The following WRN variants were observed in gnomAD, a reference collection of about 807,000 sequenced individuals.
WRN encodes WRN RecQ like helicase, also known as bifunctional 3'-5' exonuclease/ATP-dependent helicase WRN.
WRN carries 149 observed loss-of-function variants against 180.7 expected under a neutral mutation model. The ratio of observed to expected loss-of-function variants is 0.82; its 90% confidence interval spans 0.72 to 0.94. WRN has a LOEUF of 0.94. WRN is among the 40% of genes least tolerant of loss of function. WRN has a pLI of 0.00. For missense variants in WRN, 1,661 were observed against 1,700.1 expected (o/e 0.98, Z 0.40); for synonymous variants, 548 against 568.9 (o/e 0.96, Z 0.52).
At chr8:31,098,414 C>G (rs1325774539) in intron 17 of WRN, among the ~76,000 whole-genome samples, 3 of 152,036 alleles carry the variant, frequency 2.0e-5, no homozygotes, top group Non-Finnish European at 4.4e-5. Context: ...ATACTTCTGA[C>G]AAGTAGTTAG....
chr8:31,147,111 C>T lies in WRN; in HGVS notation c.3442C>T (p.Gln1148Ter). 6.2e-7 allele frequency: 1 copy of T among 1,613,852 alleles called. No individual in the cohort carries two copies. The highest frequency in any genetic ancestry group is 8.5e-7 in the Non-Finnish European group (1 of 1,179,852). ...YSSSQPVISA[Q>*]EQETQIVLYG... ...TTCCTCACAGCCTGTTATTTCGGCA[C>T]AAGAGCAGGAGACTCAGGTAAGGCT... is the stretch of plus-strand genomic sequence containing the variant. Residue 1148 changes from glutamine to a stop codon, truncating the protein, a stop_gained, in exon 29 of 35, where the codon CAA (glutamine) becomes TAA (stop). Coordinates refer to ENST00000298139, the MANE Select transcript of WRN (RefSeq NM_000553.6). LOFTEE classifies it high-confidence loss of function.
chr8:31,151,922 G>C (rs1401083691), intron 31 of WRN, among the ~76,000 whole-genome samples: 1 of 151,196 alleles, frequency 6.6e-6, no homozygotes, highest in Non-Finnish European at 1.5e-5. Context: ...AAATTTTGAA[G>C]TAAAATTTCT....
intron 34 of WRN, among the ~76,000 whole-genome samples, chr8:31,172,416 T>A (rs2130528306): frequency 6.6e-6 from 1 of 152,336 alleles, no homozygotes; most frequent in East Asian, 1.9e-4. Context: ...GTTTCTCTTT[T>A]TTTCTGGGAA....
At chr8:31,126,319 A>T (rs1169013895) in intron 23 of WRN, among the ~76,000 whole-genome samples, 3 of 152,232 alleles carry the variant, frequency 2.0e-5, no homozygotes, top group Non-Finnish European at 4.4e-5. Flanking sequence ...ATGGAATTAA[A>T]CTAGAAAACA....
At chr8:31,053,203 A>T (rs1767960088) in intron 1 of WRN, among the ~76,000 whole-genome samples, 1 of 152,236 alleles carries the variant, frequency 6.6e-6, no homozygotes, top group African/African-American at 2.4e-5. Context: ...ATTCAAAGAG[A>T]TAAATGAATA....
intron 1 of WRN, among the ~76,000 whole-genome samples, chr8:31,047,419 C>T (rs990556484): frequency 2.6e-5 from 4 of 152,168 alleles, no homozygotes; most frequent in Admixed American, 6.5e-5. Context: ...CGTACCACTA[C>T]ATCCAGCCAG....
intron 3 of WRN, among the ~76,000 whole-genome samples, chr8:31,061,818 T>G (rs906023814): frequency 2.0e-5 from 3 of 152,210 alleles, no homozygotes; most frequent in African/African-American, 7.2e-5. Context: ...TACCTTTGTG[T>G]AAGTCCGTCC....
chr8:31,117,440 T>TG (rs1269982674), intron 20 of WRN, among the ~76,000 whole-genome samples: 1 of 152,184 alleles, frequency 6.6e-6, no homozygotes, highest in East Asian at 1.9e-4. Flanking sequence ...AGGGTATCGA[T>TG]GCAGCTATTG....
intron 18 of WRN, among the ~76,000 whole-genome samples, chr8:31,104,944 TA>T (rs1436520748): frequency 6.6e-6 from 1 of 152,218 alleles, no homozygotes; most frequent in East Asian, 1.9e-4. Flanking sequence ...ATTTTGTGAG[TA>T]AACTGTGTTA....
rs552649489 is a variant in WRN, at chr8:31,074,083, A to AT, written c.725-2075dup. On this transcript the variant is annotated intron_variant, in intron 7 of 34. Transcript: ENST00000298139. Reference sequence around the variant, plus strand: ...GGGTGCCCGCCACCATGCCCGGCTAATTTTTTTTTTTTTTTGTATTTTTAG... The same window carrying AT: ...GGGTGCCCGCCACCATGCCCGGCTAATTTTTTTTTTTTTTTTGTATTTTTAG... Among the ~76,000 whole-genome samples the AT allele has an allele frequency of 1.5e-3, 209 of 141,754 alleles. 1 individual carries two copies. The highest frequency in any genetic ancestry group is 1.2e-3 in the African/African-American group (45 of 38,724). The allele number at this position is 141,754 out of a possible 152,430, so 93.0% of individuals were successfully genotyped here.
At position 31,090,949 on chromosome 8, in the gene WRN, C is replaced by T. The variant is rs1554523064; in HGVS notation, c.1829+7C>T. ...ACCAAGTGCTACAGCTTAAGTAAGT[C>T]ATGTTATCATTGCCACAATATCACC... is the stretch of plus-strand genomic sequence containing the variant. On this transcript the variant is annotated splice_region_variant and intron_variant, in intron 15 of 34. Transcript: ENST00000298139. The T allele has an allele frequency of 6.3e-6, 10 of 1,591,726 alleles. No homozygotes were observed. Among genetic ancestry groups the T allele is most frequent in the Non-Finnish European group, 6.9e-6 (8 of 1,160,156 alleles).
chr8:31,143,507 T>A (rs899490118), intron 27 of WRN, 43 bp from the exon 28 acceptor site: 3 of 1,404,686 alleles, frequency 2.1e-6, no homozygotes, highest in Middle Eastern at 1.8e-4. Flanking sequence ...TTTAAAAGTT[T>A]TTTGAAACTT....
At chr8:31,061,964 C>G (rs976174348) in intron 3 of WRN, among the ~76,000 whole-genome samples, 1 of 152,142 alleles carries the variant, frequency 6.6e-6, no homozygotes, top group East Asian at 1.9e-4. Flanking sequence ...CTAGCTTCCT[C>G]CTCTCCAGAA....
chr8:31,035,949 T>C (rs1395497915), intron 1 of WRN, among the ~76,000 whole-genome samples: 1 of 152,178 alleles, frequency 6.6e-6, no homozygotes, highest in Non-Finnish European at 1.5e-5. Context: ...TATATAGCTC[T>C]CAAACCCTAT....
chr8:31,057,073 T>C (rs529510072), intron 1 of WRN, among the ~76,000 whole-genome samples: 3 of 152,332 alleles, frequency 2.0e-5, no homozygotes, highest in Admixed American at 1.3e-4. Context: ...ATAAAAGTAT[T>C]CTTTAAAATT....
In WRN at chr8:31,141,374, T is replaced by C. The variant is rs11574342; in HGVS notation, c.2968-56T>C. The stretch of plus-strand genomic sequence containing the variant: ...ATCAATAGACAAGTCTGTGTTTTAC[T>C]TAACCTATATGTTTAAATTAGCATT... On this transcript the variant is annotated intron_variant, in intron 24 of 34. Coordinates refer to ENST00000298139, the MANE Select transcript of WRN (RefSeq NM_000553.6). 1,919 of 1,602,814 alleles carry C rather than the reference T, an allele frequency of 1.2e-3. 15 individuals are homozygous for C. In the African/African-American group the frequency reaches 0.02, roughly 17 times the overall value.
At chr8:31,104,719 G>T (rs1009095970) in intron 18 of WRN, among the ~76,000 whole-genome samples, 11 of 152,186 alleles carry the variant, frequency 7.2e-5, no homozygotes, top group African/African-American at 2.7e-4. Context: ...TTTCCCAATA[G>T]ATTAAATTGC....
chr8:31,147,005 G>A (rs1466669907), intron 28 of WRN, 48 bp from the exon 29 acceptor site: 1 of 1,479,202 alleles, frequency 6.8e-7, no homozygotes, highest in East Asian at 2.5e-5. Flanking sequence ...GAAAGTCAAT[G>A]AGGAGAAAGA....
intron 1 of WRN, among the ~76,000 whole-genome samples, chr8:31,051,190 G>C (rs1333567436): frequency 1.3e-5 from 2 of 151,962 alleles, no homozygotes; most frequent in Non-Finnish European, 2.9e-5. Flanking sequence ...TCCTTACCTA[G>C]TTAGAGGTTT....
Sources: allele counts gnomAD v4.1 joint callset (sites outside exome capture counted in the v4.1 genomes callset), GRCh38; gene constraint gnomAD v4.1.1; transcripts MANE v1.5; gene names NCBI Gene and HGNC (gene_info 2026-07-23, HGNC 2026-07-21).